PARVB: variants seen among roughly 807,000 people sequenced by gnomAD.
PARVB encodes parvin beta, also known as beta-parvin.
A neutral mutation model predicts 47.0 loss-of-function variants in PARVB; 46 were observed. That is an observed-to-expected ratio of 0.98 (90% CI 0.77 to 1.25). The LOEUF (loss-of-function observed/expected upper bound fraction) is 1.25, where lower values mean the gene tolerates loss of function less well. Among genes scored for constraint, PARVB ranks in the 50% most tolerant of loss-of-function variants. The probability of loss-of-function intolerance (pLI) is 0.00; values close to 1 mark genes in which losing one functional copy is unlikely to be tolerated. For synonymous variants in PARVB, 196 were observed against 196.3 expected (o/e 1.00, Z 0.01); for missense variants, 473 against 471.6 (o/e 1.00, Z -0.03).
At chr22:44,158,792 G>T (rs1283708455) in intron 11 of PARVB, among the ~76,000 whole-genome samples, 1 of 152,186 alleles carries the variant, frequency 6.6e-6, no homozygotes, top group Non-Finnish European at 1.5e-5. Flanking sequence ...TTAAAAACTT[G>T]GCCATGGATG....
chr22:44,090,827 TGGAACTTCCACC>T (rs1390868662), intron 1 of PARVB, among the ~76,000 whole-genome samples: 1 of 152,244 alleles, frequency 6.6e-6, no homozygotes. Context: ...AGCCAGGACA[TGGAACTTCCACC>T]CCGACCCCCT....
chr22:44,100,960 G>C (rs1174785424), intron 3 of PARVB, among the ~76,000 whole-genome samples: 2 of 152,160 alleles, frequency 1.3e-5, no homozygotes, highest in African/African-American at 2.4e-5. Flanking sequence ...TGGTGACAGT[G>C]TCTGCCAGAA....
intron 1 of PARVB, among the ~76,000 whole-genome samples, chr22:44,080,925 C>T (rs1439388612): frequency 6.6e-6 from 1 of 152,156 alleles, no homozygotes; most frequent in African/African-American, 2.4e-5. Flanking sequence ...GTGCCTTAGA[C>T]TAATAGTGCC....
chr22:44,054,897 G>A (rs1262415941), intron 1 of PARVB, among the ~76,000 whole-genome samples: 1 of 148,176 alleles, frequency 6.7e-6, no homozygotes, highest in Non-Finnish European at 1.5e-5. Flanking sequence ...GGCTGAGGCA[G>A]GAGAATCACT....
intron 10 of PARVB, 23 bp downstream of exon 10, chr22:44,151,574 G>A: frequency 1.3e-6 from 2 of 1,590,300 alleles, no homozygotes; most frequent in Admixed American, 1.7e-5. Flanking sequence ...TTGGCTTGAA[G>A]GATCCTTTGT....
chr22:44,060,573 G>A (rs970044172), intron 1 of PARVB, among the ~76,000 whole-genome samples: 3 of 152,006 alleles, frequency 2.0e-5, no homozygotes, highest in Non-Finnish European at 2.9e-5. Flanking sequence ...GGACTTAACT[G>A]GGTAAATGTC....
intron 1 of PARVB, chr22:44,069,238 T>C: frequency 1.5e-6 from 2 of 1,360,514 alleles, no homozygotes; most frequent in Non-Finnish European, 2.1e-6. Flanking sequence ...TTCTGCTTTA[T>C]GGCAGAATTT....
intron 1 of PARVB, among the ~76,000 whole-genome samples, chr22:44,080,131 G>A (rs1368180916): frequency 6.6e-6 from 1 of 152,200 alleles, no homozygotes; most frequent in Non-Finnish European, 1.5e-5. Context: ...GTGCCAGGGG[G>A]CACCCGGTGT....
chr22:44,131,290 C>T (rs762278042), intron 4 of PARVB, among the ~76,000 whole-genome samples, 197 bp from the exon 5 acceptor site: 12 of 151,546 alleles, frequency 7.9e-5, no homozygotes, highest in East Asian at 1.9e-4. Flanking sequence ...TACATGTGTG[C>T]GCCACCACGC....
At position 44,151,029 on chromosome 22, in the gene PARVB, C is replaced by CAAA. The variant is rs35913551; in HGVS notation, c.775-428_775-426dup. The CAAA allele has an allele frequency of 5.2e-4, 27 of 51,678 alleles. 3 individuals carry two copies. Among genetic ancestry groups the CAAA allele is most frequent in the African/African-American group, 1.5e-3 (19 of 13,066 alleles). 3.2% of individuals were successfully genotyped at this position (51,678 alleles called of 1,614,324 possible). A position where few individuals can be genotyped will look rare whatever the true frequency, so the allele number is the denominator to read the frequency against. ...CCTGGGCGACAGAGTGAGACTGTCT[C>CAAA]AAAAAAAAAAAAAAAAAAAAAAAAA... On this transcript the variant is annotated intron_variant, in intron 9 of 12. Transcript: ENST00000338758.
chr22:44,047,716 G>A (rs1483006061), intron 1 of PARVB, among the ~76,000 whole-genome samples: 2 of 152,130 alleles, frequency 1.3e-5, no homozygotes, highest in South Asian at 2.1e-4. Context: ...AGTTATGGAA[G>A]CCACAAGCTT....
chr22:44,119,888 A>G (rs1750825202), intron 4 of PARVB: 2 of 526,100 alleles, frequency 3.8e-6, no homozygotes, highest in South Asian at 1.4e-5. Context: ...CTTGCAGCTC[A>G]TATGGAAGAA....
At chr22:44,044,436 C>T (rs180903109) in intron 1 of PARVB, among the ~76,000 whole-genome samples, 105 of 152,086 alleles carry the variant, frequency 6.9e-4, no homozygotes, top group African/African-American at 2.5e-3. Flanking sequence ...GTGATCCGCC[C>T]GCCTAGGCCT....
intron 10 of PARVB, 142 bp downstream of exon 10, chr22:44,151,693 C>T: frequency 4.6e-6 from 3 of 659,220 alleles, no homozygotes; most frequent in Non-Finnish European, 8.3e-6. Flanking sequence ...CAGAAATAAC[C>T]ACCGTGGCCT....
rs765049585 is a variant in PARVB, at chr22:44,168,724, G to A, written c.*46G>A. On this transcript the variant is annotated 3_prime_UTR_variant, in exon 13 of 13. Transcript: ENST00000338758. The stretch of plus-strand genomic sequence containing the variant: ...GCAGGAGTGTCCCAGCAAGAAAGGC[G>A]GCATCCGTCTGTGCCCTGTGCCTTT... 73 of 1,347,908 alleles carry A rather than the reference G, an allele frequency of 5.4e-5. No individual in the cohort carries two copies. The Admixed American group carries it at 7.4e-4, about 14-fold the overall frequency. 83.5% of individuals were successfully genotyped at this position (1,347,908 alleles called of 1,614,324 possible).
At chr22:44,092,105 A>G (rs1369146403) in intron 1 of PARVB, among the ~76,000 whole-genome samples, 3 of 152,002 alleles carry the variant, frequency 2.0e-5, no homozygotes, top group Non-Finnish European at 4.4e-5. Flanking sequence ...GTGCGGAAAC[A>G]TGGGTTATTT....
chr22:44,151,411 C>A, intron 9 of PARVB, 72 bp from the exon 10 acceptor site: 1 of 1,148,732 alleles, frequency 8.7e-7, no homozygotes, highest in South Asian at 1.2e-5. Context: ...TGGCAAATGT[C>A]AAGCCTGCCC....
chr22:44,139,007 T>A (rs1002428), intron 7 of PARVB: 29,010 of 152,140 alleles, frequency 0.19, 3,173 homozygotes, highest in Admixed American at 0.25. Context: ...GGAAAGGATC[T>A]GTGCACTCAC....
chr22:44,145,366 C>G, intron 8 of PARVB: 1 of 152,306 alleles, frequency 6.6e-6, no homozygotes, highest in Non-Finnish European at 1.5e-5. Flanking sequence ...CTCTCTGTCT[C>G]TCTCTCTCCC....
Sources: gnomAD v4.1 joint callset for allele counts (sites outside exome capture counted in the v4.1 genomes callset) on GRCh38, gnomAD v4.1.1 for gene constraint, MANE v1.5 for transcripts, NCBI Gene and HGNC (gene_info 2026-07-23, HGNC 2026-07-21) for gene names.